The following MSI2 variants were observed in gnomAD, a reference collection of about 807,000 sequenced individuals.
The protein encoded by MSI2 is musashi RNA binding protein 2.
A neutral mutation model predicts 45.6 loss-of-function variants in MSI2; 17 were observed. The ratio of observed to expected loss-of-function variants is 0.37; its 90% CI spans 0.26 to 0.56. The LOEUF is 0.56. Ranked by LOEUF, MSI2 falls within the 20% of genes least tolerant of loss-of-function variation. The pLI, the probability that MSI2 is intolerant of heterozygous loss-of-function variation, is 0.77. For missense variants in MSI2, 293 were observed against 444.2 expected (o/e 0.66, Z 3.06); for synonymous variants, 156 against 158.2 (o/e 0.99, Z 0.11).
At position 57,652,677 on chromosome 17, in the gene MSI2, G is replaced by A. The variant is rs898114580; in HGVS notation, c.790+516G>A. Among the ~76,000 whole-genome samples the A allele has an allele frequency of 2.6e-5, 4 of 152,216 alleles. No homozygotes were observed. Among genetic ancestry groups the A allele is most frequent in the Non-Finnish European group, 5.9e-5 (4 of 68,034 alleles). ...CTGGGCCTCAGTGAATGAAGCTGCT[G>A]TTTCTGGAGCCGCTGTGCCTCCCAG... On this transcript the variant is annotated intron_variant, in intron 11 of 13. Transcript: ENST00000284073. The surrounding 1 kb of genome is among the most constrained non-coding windows in gnomAD (Gnocchi z 4.1).
At chr17:57,610,054 G>T (rs1279593741) in intron 8 of MSI2, among the ~76,000 whole-genome samples, 4 of 152,158 alleles carry the variant, frequency 2.6e-5, no homozygotes, top group Non-Finnish European at 5.9e-5. Context: ...GGAAGGTAAA[G>T]TATTGCATTA....
intron 5 of MSI2, among the ~76,000 whole-genome samples, chr17:57,321,679 A>C (rs2143672102): frequency 6.6e-6 from 1 of 152,178 alleles, no homozygotes; most frequent in South Asian, 2.1e-4. Context: ...CTGGAAAGGG[A>C]GATTTGGTCA....
intron 7 of MSI2, among the ~76,000 whole-genome samples, chr17:57,577,423 A>T (rs1426066407): frequency 6.6e-6 from 1 of 152,206 alleles, no homozygotes; most frequent in Non-Finnish European, 1.5e-5. Flanking sequence ...AAACCGTCCC[A>T]TTTCCAGACC....
Position 57,310,693 on chromosome 17 carries a change from CT to C in MSI2, c.312+48504del, listed in dbSNP as rs1403744428. On this transcript the variant is annotated intron_variant, in intron 5 of 13. Transcript: ENST00000284073. ...TTTTCCTCGTGAAGGGTTAGAGGCA[CT>C]TTGGTTCTTCATTGGGCCTCAGTTT... 6.6e-5 allele frequency among the ~76,000 whole-genome samples: 10 copies of C among 152,256 alleles called. No individual in the cohort carries two copies. The East Asian group carries it at 1.5e-3, about 24-fold the overall frequency.
chr17:57,347,538 C>T (rs1188150021), intron 5 of MSI2, among the ~76,000 whole-genome samples: 1 of 152,142 alleles, frequency 6.6e-6, no homozygotes, highest in Non-Finnish European at 1.5e-5. Context: ...GATGTACATG[C>T]TTCTGTCTTG....
Position 57,675,012 on chromosome 17 carries a change from C to A in MSI2, c.831C>A (p.Asn277Lys). ...GGCCCGGAGGCTTCCCGGGGGCCAACAGCCCAGGACCTGTCGCCGATCTCT... is the reference window on the plus strand; with the variant it reads ...GGCCCGGAGGCTTCCCGGGGGCCAAAAGCCCAGGACCTGTCGCCGATCTCT... ...PARPGGFPGA[N>K]SPGPVADLYG... The change falls in exon 12 of 14, where the codon AAC (asparagine) becomes AAA (lysine). Residue 277 changes from asparagine to lysine, a missense_variant. Coordinates refer to ENST00000284073, the MANE Select transcript of MSI2 (RefSeq NM_138962.4). 6.2e-7 allele frequency: 1 copy of A among 1,613,794 alleles called. No individual in the cohort carries two copies. The highest frequency in any genetic ancestry group is 8.5e-7 in the Non-Finnish European group (1 of 1,179,886).
chr17:57,477,335 T>A (rs992511242), intron 6 of MSI2, among the ~76,000 whole-genome samples: 36 of 152,172 alleles, frequency 2.4e-4, no homozygotes, highest in Admixed American at 6.5e-5. Context: ...ATTCAGCATC[T>A]GGCAGTTTCA....
intron 5 of MSI2, among the ~76,000 whole-genome samples, chr17:57,389,466 T>C (rs1045263324): frequency 2.0e-5 from 3 of 152,204 alleles, no homozygotes; most frequent in Admixed American, 6.5e-5. Context: ...CCTTTCTTCC[T>C]GGCTCTCCCC....
At chr17:57,332,458 A>G (rs910468185) in intron 5 of MSI2, among the ~76,000 whole-genome samples, 1 of 152,204 alleles carries the variant, frequency 6.6e-6, no homozygotes, top group African/African-American at 2.4e-5. Flanking sequence ...TGAGAGTCAC[A>G]ATCTGTTGGT....
At chr17:57,412,039 C>A (rs2084207387) in intron 6 of MSI2, among the ~76,000 whole-genome samples, 1 of 151,710 alleles carries the variant, frequency 6.6e-6, no homozygotes, top group Admixed American at 6.6e-5. Context: ...TACTATGGTA[C>A]CTCTTTGAGG....
At chr17:57,481,748 C>T (rs1378673145) in intron 6 of MSI2, among the ~76,000 whole-genome samples, 2 of 152,170 alleles carry the variant, frequency 1.3e-5, no homozygotes, top group South Asian at 2.1e-4. Flanking sequence ...TGGTAAGACT[C>T]GGCCTCAAAG....
At chr17:57,514,650 C>CT (rs11318524) in intron 6 of MSI2, among the ~76,000 whole-genome samples, 5,635 of 134,830 alleles carry the variant, frequency 0.042, 294 homozygotes, top group African/African-American at 0.12. Context: ...TGAATTGATA[C>CT]TTTTTTTTTT....
chr17:57,552,348 G>C lies in MSI2; in HGVS notation c.454+22624G>C, dbSNP rs2087326786. On this transcript the variant is annotated intron_variant, in intron 7 of 13. Coordinates refer to ENST00000284073, the MANE Select transcript of MSI2 (RefSeq NM_138962.4). The surrounding 1 kb of genome is among the most constrained non-coding windows in gnomAD (Gnocchi z 4.3). ...AACTGAGCTTGGCTTTCTGCCTGCT[G>C]CTTGTCTCTGATTATGGAGACCAGC... 6.6e-6 allele frequency among the ~76,000 whole-genome samples: 1 copy of C among 152,176 alleles called. No individual in the cohort carries two copies. The highest frequency in any genetic ancestry group is 6.5e-5 in the Admixed American group (1 of 15,282).
chr17:57,650,712 T>C (rs889476305), intron 10 of MSI2, among the ~76,000 whole-genome samples: 2 of 152,256 alleles, frequency 1.3e-5, no homozygotes, highest in Non-Finnish European at 2.9e-5. Context: ...TAGCTTAGCC[T>C]GACCTTTTTA....
intron 7 of MSI2, among the ~76,000 whole-genome samples, chr17:57,561,150 G>A (rs2087565154): frequency 6.6e-6 from 1 of 152,210 alleles, no homozygotes. Context: ...CAATCATGAA[G>A]AGACCTCACA....
Position 57,450,255 on chromosome 17 carries a change from T to TAGAAAGAAAGAAAGAAAGAAAAGAAAG in MSI2, c.405+48785_405+48786insGAAAGAAAGAAAGAAAGAAAAGAAAGA, listed in dbSNP as rs1567830518. 1.7e-4 allele frequency: 13 copies of TAGAAAGAAAGAAAGAAAGAAAAGAAAG among 76,056 alleles called. No homozygotes were observed. In the East Asian group the frequency reaches 1.9e-3, roughly 11 times the overall value. 4.7% of individuals were successfully genotyped at this position (76,056 alleles called of 1,614,324 possible). A position where few individuals can be genotyped will look rare whatever the true frequency, so the allele number is the denominator to read the frequency against. On this transcript the variant is annotated intron_variant, in intron 6 of 13. Transcript: ENST00000284073. ...CAACTGGAAATGGTATTCCCCAGCT[T>TAGAAAGAAAGAAAGAAAGAAAAGAAAG]AAAGAAAGAAAGAAAGAAAGAAAGA...
At chr17:57,449,152 G>A (rs2084951405) in intron 6 of MSI2, 1 of 152,328 alleles carries the variant, frequency 6.6e-6, no homozygotes, top group African/African-American at 2.4e-5. Context: ...CACCGCCACT[G>A]TTTTACAGGA....
At chr17:57,290,532 C>CT (rs1252798298) in intron 5 of MSI2, among the ~76,000 whole-genome samples, 4 of 152,210 alleles carry the variant, frequency 2.6e-5, no homozygotes, top group Non-Finnish European at 5.9e-5. Context: ...GTGGGGGTCT[C>CT]TAACTCCTAG....
At chr17:57,302,178 T>C (rs1311948110) in intron 5 of MSI2, among the ~76,000 whole-genome samples, 1 of 152,352 alleles carries the variant, frequency 6.6e-6, no homozygotes. Flanking sequence ...GTGTATACAG[T>C]CTGTAATGAT....
Sources: allele counts gnomAD v4.1 joint callset (sites outside exome capture counted in the v4.1 genomes callset), GRCh38; gene constraint gnomAD v4.1.1; non-coding constraint Gnocchi (gnomAD v3.1); transcripts MANE v1.5; gene names NCBI Gene and HGNC (gene_info 2026-07-23, HGNC 2026-07-21).